NOL11: variants seen among roughly 807,000 people sequenced by gnomAD.
NOL11 encodes nucleolar protein 11.
NOL11 carries 42 observed loss-of-function variants against 93.0 expected under a neutral mutation model. The ratio of observed to expected loss-of-function variants is 0.45; its 90% CI spans 0.35 to 0.58. NOL11 has a LOEUF of 0.58. NOL11 is among the 20% of genes least tolerant of loss of function. NOL11 has a pLI of 0.00. For missense variants in NOL11, 775 were observed against 841.8 expected (o/e 0.92, Z 0.98); for synonymous variants, 296 against 293.7 (o/e 1.01, Z -0.08).
intron 16 of NOL11, among the ~76,000 whole-genome samples, chr17:67,740,040 A>G (rs1265428462): frequency 6.6e-6 from 1 of 152,090 alleles, no homozygotes; most frequent in African/African-American, 2.4e-5. Flanking sequence ...GTTTGAGACC[A>G]GCCCAGCCAA....
chr17:67,739,671 A>G (rs1475790831), intron 16 of NOL11, 63 bp downstream of exon 16: 1 of 1,055,722 alleles, frequency 9.5e-7, no homozygotes, highest in Non-Finnish European at 1.4e-6. Context: ...AGTTGTATTC[A>G]AGGTCAGCAC....
chr17:67,735,390 ACT>A (rs137909114), intron 8 of NOL11, among the ~76,000 whole-genome samples: 1,955 of 152,170 alleles, frequency 0.013, 39 homozygotes, highest in African/African-American at 0.043. Context: ...TTGTGAATAA[ACT>A]CACACTTTTT....
intron 7 of NOL11, chr17:67,726,889 A>C (rs2055099743): frequency 5.7e-6 from 2 of 348,818 alleles, no homozygotes; most frequent in Non-Finnish European, 1.0e-5. Flanking sequence ...GTCATAAAGA[A>C]ATAAAAATGG....
Position 67,738,365 on chromosome 17 carries a change from G to A in NOL11, c.1763+10G>A. 6.5e-7 allele frequency: 1 copy of A among 1,545,484 alleles called. No homozygotes were observed. On this transcript the variant is annotated intron_variant, in intron 14 of 17. Transcript: ENST00000253247. Reference sequence around the variant, plus strand: ...AAAGAGCAGCTCTACTGTATCCTTTGACATAGAGCATCCCTCTGTTTCTCT... The same window carrying A: ...AAAGAGCAGCTCTACTGTATCCTTTAACATAGAGCATCCCTCTGTTTCTCT...
intron 7 of NOL11, among the ~76,000 whole-genome samples, chr17:67,733,346 CAG>C (rs1258257814): frequency 3.3e-5 from 5 of 152,160 alleles, no homozygotes; most frequent in African/African-American, 1.2e-4. Context: ...GCCTGGGCGA[CAG>C]AGTAAGACTC....
At chr17:67,740,590 CAA>C (rs1205468162) in intron 16 of NOL11, 35 of 127,470 alleles carry the variant, frequency 2.7e-4, no homozygotes, top group African/African-American at 1.0e-3. Context: ...GCCTGGGCGA[CAA>C]GAGTGATACT....
intron 5 of NOL11, among the ~76,000 whole-genome samples, chr17:67,723,563 AT>A (rs1361413232): frequency 6.7e-6 from 1 of 150,346 alleles, no homozygotes; most frequent in Non-Finnish European, 1.5e-5. Flanking sequence ...TAATTTTTGT[AT>A]TTTTAGTAGA....
intron 7 of NOL11, among the ~76,000 whole-genome samples, chr17:67,732,009 A>G (rs193207542): frequency 6.6e-6 from 1 of 152,294 alleles, no homozygotes; most frequent in East Asian, 1.9e-4. Context: ...TGCAAAAAAG[A>G]CCATTGGAAT....
rs568124045 is a variant in NOL11, at chr17:67,721,408, G to T, written c.343G>T (p.Val115Leu). 1.7e-5 allele frequency: 28 copies of T among 1,607,802 alleles called. No individual in the cohort carries two copies. The highest frequency in any genetic ancestry group is 5.2e-5 in the Admixed American group (3 of 58,170). The change falls in exon 4 of 18, where the codon GTG becomes TTG. Residue 115 changes from valine (V) to leucine (L), a missense_variant. By Grantham distance (32) the Val-to-Leu change is conservative. Around this residue, in one of 2 missense-constraint regions of NOL11, gnomAD observed 359 missense variants for 316.5 expected, o/e 1.13. Transcript: ENST00000253247. ...LSAEVYRILS[V>L]QGTEPLVLFK... ...AGCAGAAGTATATAGGATACTTTCA[G>T]TGCAAGGGACAGAACCCTTGGTGCT...
chr17:67,739,100 T>C lies in NOL11; in HGVS notation c.1842+90T>C, dbSNP rs773691015. The C allele has an allele frequency of 3.2e-4, 310 of 958,454 alleles. 1 individual carries two copies. Among genetic ancestry groups the C allele is most frequent in the Non-Finnish European group, 4.7e-4 (291 of 623,318 alleles). 59.4% of individuals were successfully genotyped at this position (958,454 alleles called of 1,614,324 possible). A position where few individuals can be genotyped will look rare whatever the true frequency, so the allele number is the denominator to read the frequency against. ...CCAGCTGTTAGGGCATTCTAAAGGT[T>C]ATGAAATTCTTTCATGTGAATAAGA... On this transcript the variant is annotated intron_variant, in intron 15 of 17. Transcript: ENST00000253247.
intron 7 of NOL11, among the ~76,000 whole-genome samples, chr17:67,731,209 A>G (rs2055151227): frequency 6.6e-6 from 1 of 150,788 alleles, no homozygotes; most frequent in Non-Finnish European, 1.5e-5. Context: ...CTCCCATTCT[A>G]TAGGTTGTCT....
At chr17:67,722,864 A>G (rs746413018) in intron 5 of NOL11, among the ~76,000 whole-genome samples, 9 of 151,594 alleles carry the variant, frequency 5.9e-5, no homozygotes, top group Non-Finnish European at 8.8e-5. Context: ...CTTATGTTTT[A>G]TTTTTTGTAG....
chr17:67,722,014 C>T (rs2043220709), intron 4 of NOL11, among the ~76,000 whole-genome samples: 1 of 152,184 alleles, frequency 6.6e-6, no homozygotes, highest in East Asian at 1.9e-4. Flanking sequence ...CTTGTTTTCT[C>T]CAGGTCCACC....
intron 7 of NOL11, among the ~76,000 whole-genome samples, chr17:67,732,486 C>T (rs1183036301): frequency 1.5e-5 from 2 of 137,574 alleles, no homozygotes; most frequent in Admixed American, 7.1e-5. Context: ...AGCAAGACTC[C>T]GTCTCAAAAA....
intron 16 of NOL11, among the ~76,000 whole-genome samples, chr17:67,743,088 A>G (rs1054891258): frequency 2.0e-5 from 3 of 152,280 alleles, no homozygotes; most frequent in East Asian, 3.9e-4. Context: ...AAAAATTGCT[A>G]AAAAGTAGCT....
Position 67,718,047 on chromosome 17 carries a change from T to A in NOL11, c.100T>A (p.Phe34Ile). The change falls in exon 1 of 18, where the codon TTT becomes ATT. Residue 34 changes from phenylalanine to isoleucine, a missense_variant. Coordinates refer to ENST00000253247, the MANE Select transcript of NOL11 (RefSeq NM_015462.5). ...GVEQSDKTDQ[F>I]LVTDSGRTVI... ...GGAGCAGAGCGACAAAACAGACCAG[T>A]TTCTAGTGACAGACAGCGGCAGGAC... is the stretch of plus-strand genomic sequence containing the variant. The A allele has an allele frequency of 1.2e-6, 2 of 1,614,142 alleles. No homozygotes were observed. The highest frequency in any genetic ancestry group is 1.7e-6 in the Non-Finnish European group (2 of 1,180,028).
chr17:67,735,422 ATTTGT>A (rs1475410377), intron 8 of NOL11, among the ~76,000 whole-genome samples: 2 of 150,960 alleles, frequency 1.3e-5, no homozygotes, highest in Non-Finnish European at 1.5e-5. Flanking sequence ...TTATTATTTT[ATTTGT>A]TTTATCATTT....
At chr17:67,723,370 A>ATTTTTTTTTTTTTTTTTTTT (rs568396700) in intron 5 of NOL11, among the ~76,000 whole-genome samples, 1 of 60,704 alleles carries the variant, frequency 1.6e-5, no homozygotes, top group African/African-American at 6.4e-5. Context: ...AAGATCTCTA[A>ATTTTTTTTTTTTTTTTTTTT]TTTTTTTTTT....
chr17:67,738,265 A>G lies in NOL11; in HGVS notation c.1673A>G (p.Asn558Ser), dbSNP rs922747550. ...NGFNPEEDKC[N>S]NCDQELNKKP... is the part of the protein sequence containing the mutation. ...TTCAATCCTGAAGAAGATAAATGCA[A>G]TAACTGTGATCAAGAGTTAAATAAA... The change falls in exon 14 of 18, where the codon AAT (asparagine) becomes AGT (serine). Residue 558 changes from asparagine (N) to serine (S), a missense_variant. This residue lies in a region of NOL11 where 416 missense variants were observed against 525.2 expected (regional missense o/e 0.79). Transcript: ENST00000253247. 6.2e-7 allele frequency: 1 copy of G among 1,614,004 alleles called. No homozygotes were observed. Among genetic ancestry groups the G allele is most frequent in the Non-Finnish European group, 8.5e-7 (1 of 1,179,922 alleles).
Sources: allele counts gnomAD v4.1 joint callset (sites outside exome capture counted in the v4.1 genomes callset), GRCh38; gene constraint gnomAD v4.1.1; regional missense constraint gnomAD v4.1.1; transcripts MANE v1.5; gene names NCBI Gene and HGNC (gene_info 2026-07-23, HGNC 2026-07-21).